Variants in LRBA observed in about 807,000 individuals in gnomAD.
The protein encoded by LRBA is LPS responsive beige-like anchor protein.
Under a neutral mutation model 330.0 loss-of-function variants are expected in LRBA, and 176 were observed. The ratio of observed to expected loss-of-function variants is 0.53; its 90% CI spans 0.47 to 0.60. The LOEUF is 0.60. Among genes scored for constraint, LRBA ranks in the 20% least tolerant of loss-of-function variants. The probability of loss-of-function intolerance (pLI) is 0.00; values close to 1 mark genes in which losing one functional copy is unlikely to be tolerated. For missense variants in LRBA, 3,259 were observed against 3,444.8 expected (o/e 0.95, Z 1.35); for synonymous variants, 1,230 against 1,193.0 (o/e 1.03, Z -0.64).
intron 53 of LRBA, 69 bp downstream of exon 53, chr4:150,302,555 GT>G: frequency 9.5e-7 from 1 of 1,055,618 alleles, no homozygotes; most frequent in Non-Finnish European, 1.3e-6. Context: ...TAACAAAAAG[GT>G]AACTTTACTG....
At chr4:150,274,903 A>C (rs1746563992) in intron 56 of LRBA, among the ~76,000 whole-genome samples, 1 of 152,206 alleles carries the variant, frequency 6.6e-6, no homozygotes, top group Non-Finnish European at 1.5e-5. Context: ...AATCAATAGA[A>C]AAAGAGGGAA....
intron 2 of LRBA, among the ~76,000 whole-genome samples, chr4:150,966,613 A>G (rs1416026842): frequency 1.3e-5 from 2 of 151,196 alleles, no homozygotes; most frequent in African/African-American, 4.9e-5. Flanking sequence ...GGCGTGAGCC[A>G]CCGCGCCCGG....
intron 40 of LRBA, chr4:150,580,003 A>C: frequency 6.7e-6 from 2 of 300,682 alleles, no homozygotes; most frequent in South Asian, 5.5e-5. Context: ...CCGGCAGCGC[A>C]GTGCCCTCCG....
intron 34 of LRBA, among the ~76,000 whole-genome samples, chr4:150,772,050 C>T (rs1736650568): frequency 6.6e-6 from 1 of 152,152 alleles, no homozygotes; most frequent in Non-Finnish European, 1.5e-5. Context: ...CTACTCATGT[C>T]CCTTCCAAGT....
intron 2 of LRBA, among the ~76,000 whole-genome samples, chr4:150,950,051 A>G (rs1483591259): frequency 6.6e-6 from 1 of 152,168 alleles, no homozygotes; most frequent in Non-Finnish European, 1.5e-5. Context: ...AATCCATTAC[A>G]TAACTTCAGA....
intron 14 of LRBA, 91 bp from the exon 15 acceptor site, chr4:150,897,909 T>C (rs533075061): frequency 9.6e-6 from 8 of 831,476 alleles, no homozygotes; most frequent in Non-Finnish European, 2.0e-6. Context: ...AGCTTTTCCA[T>C]GTGTTTGTAA....
chr4:150,571,422 C>G (rs77274548), intron 40 of LRBA, among the ~76,000 whole-genome samples: 3 of 151,778 alleles, frequency 2.0e-5, no homozygotes, highest in Non-Finnish European at 2.9e-5. Context: ...CAAAAGGTAA[C>G]TAATTCAAGG....
intron 37 of LRBA, among the ~76,000 whole-genome samples, chr4:150,674,829 T>C (rs1561501851): frequency 6.6e-6 from 1 of 152,098 alleles, no homozygotes; most frequent in East Asian, 1.9e-4. Context: ...GAGCCATGTT[T>C]ATGCCACTGC....
At chr4:150,722,848 G>A (rs1053836916) in intron 36 of LRBA, among the ~76,000 whole-genome samples, 2 of 152,034 alleles carry the variant, frequency 1.3e-5, no homozygotes, top group African/African-American at 4.8e-5. Context: ...TGCCACCTCT[G>A]CCCCATCGCC....
intron 40 of LRBA, among the ~76,000 whole-genome samples, chr4:150,550,880 T>C (rs1189091132): frequency 1.3e-5 from 2 of 152,232 alleles, no homozygotes; most frequent in South Asian, 2.1e-4. Flanking sequence ...AAATTTTGTA[T>C]AACATTGGAT....
intron 44 of LRBA, among the ~76,000 whole-genome samples, chr4:150,458,641 C>G (rs1238094665): frequency 6.6e-5 from 10 of 151,690 alleles, no homozygotes; most frequent in Admixed American, 6.6e-4. Flanking sequence ...GTTGATATTC[C>G]TTTTAGAAGA....
chr4:150,620,303 CAGT>C (rs1382827183), intron 37 of LRBA, among the ~76,000 whole-genome samples: 3 of 152,102 alleles, frequency 2.0e-5, no homozygotes, highest in Non-Finnish European at 4.4e-5. Context: ...AGTCAAAAAA[CAGT>C]AGATGTTGGC....
chr4:150,473,531 T>C (rs1392987535), intron 42 of LRBA, among the ~76,000 whole-genome samples: 1 of 152,156 alleles, frequency 6.6e-6, no homozygotes, highest in Admixed American at 6.6e-5. Flanking sequence ...GAGGACTGAA[T>C]ACAATGAGAA....
intron 2 of LRBA, among the ~76,000 whole-genome samples, chr4:151,009,987 T>A (rs2915450): frequency 0.13 from 19,240 of 150,618 alleles, 1,493 homozygotes; most frequent in South Asian, 0.32. Flanking sequence ...CTCAAAAAAA[T>A]AAATAAATAA....
intron 37 of LRBA, among the ~76,000 whole-genome samples, chr4:150,639,841 A>ATG (rs1362305053): frequency 0.015 from 614 of 40,602 alleles, 76 homozygotes; most frequent in African/African-American, 0.048. Flanking sequence ...ATATATATAT[A>ATG]TATATATATA....
intron 40 of LRBA, among the ~76,000 whole-genome samples, chr4:150,549,093 T>G (rs977697431): frequency 5.3e-5 from 8 of 152,132 alleles, no homozygotes; most frequent in African/African-American, 1.9e-4. Context: ...AACTATATTC[T>G]TCTAATGAAT....
At chr4:150,647,718 A>G (rs1779294369) in intron 37 of LRBA, among the ~76,000 whole-genome samples, 1 of 151,704 alleles carries the variant, frequency 6.6e-6, no homozygotes, top group South Asian at 2.1e-4. Flanking sequence ...ACACTGAACA[A>G]CTCAAAGTTC....
intron 17 of LRBA, among the ~76,000 whole-genome samples, chr4:150,873,468 C>G (rs62344573): frequency 0.11 from 16,131 of 151,764 alleles, 1,691 homozygotes; most frequent in African/African-American, 0.28. Flanking sequence ...GCATGTGCCT[C>G]TAATCCAGCT....
intron 37 of LRBA, among the ~76,000 whole-genome samples, chr4:150,655,049 G>A (rs1344138136): frequency 6.6e-6 from 1 of 152,080 alleles, no homozygotes; most frequent in Non-Finnish European, 1.5e-5. Flanking sequence ...AATCCTTTGG[G>A]TATATACCCA....
Sources: gnomAD v4.1 joint callset for allele counts (sites outside exome capture counted in the v4.1 genomes callset) on GRCh38, gnomAD v4.1.1 for gene constraint, MANE v1.5 for transcripts, NCBI Gene and HGNC (gene_info 2026-07-23, HGNC 2026-07-21) for gene names.